Variants in UPP1 observed in about 807,000 individuals in gnomAD.
The protein encoded by UPP1 is UPase 1.
A neutral mutation model predicts 29.6 loss-of-function variants in UPP1; 25 were observed. The observed-to-expected ratio is 0.85, with a 90% CI of 0.62 to 1.18. The LOEUF (loss-of-function observed/expected upper bound fraction) is 1.18, where lower values mean the gene tolerates loss of function less well. UPP1 is among the 50% of genes most tolerant of loss of function. The pLI is 0.00. For synonymous variants in UPP1, 165 were observed against 159.8 expected (o/e 1.03, Z -0.25); for missense variants, 368 against 410.4 (o/e 0.90, Z 0.89).
chr7:48,103,520 CT>C, intron 6 of UPP1, 109 bp downstream of exon 6: 1 of 1,078,246 alleles, frequency 9.3e-7, no homozygotes, highest in South Asian at 1.3e-5. Flanking sequence ...CCTTTCTTGG[CT>C]TTGTTCAAGG....
At chr7:48,106,651 C>T in intron 6 of UPP1, 1 of 522,754 alleles carries the variant, frequency 1.9e-6, no homozygotes, top group Non-Finnish European at 3.5e-6. Context: ...CCATAGTGTC[C>T]ATAATGATCA....
chr7:48,094,780 C>A lies in UPP1; in HGVS notation c.-4C>A, dbSNP rs548488526. On this transcript the variant is annotated 5_prime_UTR_variant, in exon 3 of 9. Transcript: ENST00000395564. ...TTCCTTAGGGTCCTGCCTCAGTTGG[C>A]GGAATGGCGGCCACGGGAGCCAATG... 1 of 1,613,070 alleles carries A rather than the reference C, an allele frequency of 6.2e-7. No individual in the cohort carries two copies. The highest frequency in any genetic ancestry group is 8.5e-7 in the Non-Finnish European group (1 of 1,179,502).
Position 48,094,788 on chromosome 7 carries a change from CG to C in UPP1, c.7del (p.Ala3ProfsTer20). 6.2e-7 allele frequency: 1 copy of C among 1,613,546 alleles called. No individual in the cohort carries two copies. Among genetic ancestry groups the C allele is most frequent in the Non-Finnish European group, 8.5e-7 (1 of 1,179,694 alleles). ...GGTCCTGCCTCAGTTGGCGGAATGG[CG>C]GCCACGGGAGCCAATGCAGAGAAAG... M[A>X]ATGANAEKAE... is the part of the protein sequence containing the mutation. On this transcript the variant is annotated frameshift_variant, in exon 3 of 9. Coordinates refer to ENST00000395564, the MANE Select transcript of UPP1 (RefSeq NM_003364.4). LOFTEE classifies it high-confidence loss of function.
intron 2 of UPP1, among the ~76,000 whole-genome samples, chr7:48,092,375 G>A (rs962291964): frequency 3.0e-4 from 45 of 152,046 alleles, no homozygotes; most frequent in African/African-American, 1.1e-3. Flanking sequence ...TACGCCCCGG[G>A]ATCCTCCTGT....
Position 48,107,077 on chromosome 7 carries a change from A to T in UPP1, c.641A>T (p.Tyr214Phe), listed in dbSNP as rs146983910. The T allele has an allele frequency of 3.2e-4, 520 of 1,611,774 alleles. No individual in the cohort carries two copies. Among genetic ancestry groups the T allele is most frequent in the Admixed American group, 3.8e-4 (23 of 60,014 alleles). ...VGNTMCTLDF[Y>F]EGQGRLDGAL... The stretch of plus-strand genomic sequence containing the variant: ...AACACCATGTGCACCTTGGACTTCT[A>T]TGAAGGTGAGGCAGCGGATACGAGG... Residue 214 changes from tyrosine to phenylalanine, a missense_variant, in exon 7 of 9, where the codon TAT (tyrosine) becomes TTT (phenylalanine). Coordinates refer to ENST00000395564, the MANE Select transcript of UPP1 (RefSeq NM_003364.4).
At chr7:48,090,960 C>CT (rs1207543127) in intron 2 of UPP1, among the ~76,000 whole-genome samples, 1 of 152,138 alleles carries the variant, frequency 6.6e-6, no homozygotes, top group East Asian at 1.9e-4. Flanking sequence ...TTTACATGGG[C>CT]TTTTTGTCAA....
intron 8 of UPP1, among the ~76,000 whole-genome samples, 195 bp downstream of exon 8, chr7:48,107,702 C>T (rs1208847490): frequency 6.6e-6 from 1 of 152,218 alleles, no homozygotes; most frequent in Non-Finnish European, 1.5e-5. Context: ...CACACCCTGA[C>T]AAAATGCAGG....
At chr7:48,104,598 A>G (rs560112660) in intron 6 of UPP1, 7 of 152,248 alleles carry the variant, frequency 4.6e-5, no homozygotes, top group African/African-American at 1.7e-4. Context: ...TTGAAAGGGG[A>G]CTTGCTTTAG....
At chr7:48,088,962 G>C (rs1791657648), upstream of UPP1, 1 of 152,298 alleles carries the variant, frequency 6.6e-6, no homozygotes, top group African/African-American at 2.4e-5. Context: ...TGTTTAATGA[G>C]TAACAGAACT....
At chr7:48,102,482 G>C (rs954269288) in intron 5 of UPP1, among the ~76,000 whole-genome samples, 2 of 152,182 alleles carry the variant, frequency 1.3e-5, no homozygotes, top group African/African-American at 4.8e-5. Flanking sequence ...TAAATGAACA[G>C]CTGCAGAGTA....
At chr7:48,095,914 T>A (rs1792105836) in intron 3 of UPP1, among the ~76,000 whole-genome samples, 2 of 152,236 alleles carry the variant, frequency 1.3e-5, no homozygotes. Context: ...CCCAAAGTGC[T>A]GGGATTACGG....
chr7:48,097,774 G>C (rs1792201045), intron 3 of UPP1, among the ~76,000 whole-genome samples: 1 of 152,290 alleles, frequency 6.6e-6, no homozygotes, highest in South Asian at 2.1e-4. Flanking sequence ...ATGAAAAATA[G>C]TTGTCACTAA....
chr7:48,092,708 T>C (rs1282683589), intron 2 of UPP1, among the ~76,000 whole-genome samples: 1 of 150,872 alleles, frequency 6.6e-6, no homozygotes, highest in African/African-American at 2.4e-5. Flanking sequence ...TTGTTTCTTT[T>C]TTTTTTTTTT....
chr7:48,099,191 C>G (rs1248871829), intron 3 of UPP1, among the ~76,000 whole-genome samples: 4 of 152,114 alleles, frequency 2.6e-5, no homozygotes, highest in Non-Finnish European at 4.4e-5. Flanking sequence ...GTAACAAAAA[C>G]AAAAACAAAT....
At chr7:48,100,238 A>G (rs1247626402) in intron 4 of UPP1, among the ~76,000 whole-genome samples, 2 of 152,222 alleles carry the variant, frequency 1.3e-5, no homozygotes, top group East Asian at 3.8e-4. Flanking sequence ...TTGTGTATCT[A>G]TACATATCTA....
intron 4 of UPP1, among the ~76,000 whole-genome samples, chr7:48,101,207 C>T (rs1792401931): frequency 6.6e-6 from 1 of 152,124 alleles, no homozygotes; most frequent in African/African-American, 2.4e-5. Flanking sequence ...GCCCAGCCAT[C>T]TTCAAACTCT....
chr7:48,098,391 G>A lies in UPP1; in HGVS notation c.45-1279G>A, dbSNP rs1248361945. Reference sequence around the variant, plus strand: ...TAAAATGATAGATAAAATAGGATGGGACCATCTCAACCTTGTTTTTCTTGT... The same window carrying A: ...TAAAATGATAGATAAAATAGGATGGAACCATCTCAACCTTGTTTTTCTTGT... On this transcript the variant is annotated intron_variant, in intron 3 of 8. Transcript: ENST00000395564. Among the ~76,000 whole-genome samples, 7 of 152,276 alleles carry A rather than the reference G, an allele frequency of 4.6e-5. No individual in the cohort carries two copies. The South Asian group carries it at 1.2e-3, about 27-fold the overall frequency.
chr7:48,090,544 G>A (rs6463461), intron 2 of UPP1, among the ~76,000 whole-genome samples, 180 bp downstream of exon 2: 149,408 of 152,262 alleles, frequency 0.98, 73,317 homozygotes, highest in Middle Eastern at 1. Context: ...CTCATTTTCT[G>A]CCTTCCTGGG....
chr7:48,092,984 G>T (rs1021226443), intron 2 of UPP1, among the ~76,000 whole-genome samples: 6 of 152,066 alleles, frequency 3.9e-5, no homozygotes, highest in East Asian at 1.9e-4. Flanking sequence ...GATTAGGGGC[G>T]TGGGCCACTG....
Sources: allele counts gnomAD v4.1 joint callset (sites outside exome capture counted in the v4.1 genomes callset), GRCh38; gene constraint gnomAD v4.1.1; transcripts MANE v1.5; gene names NCBI Gene and HGNC (gene_info 2026-07-23, HGNC 2026-07-21).